Variants in PYROXD2 observed in about 807,000 individuals in gnomAD.
PYROXD2 encodes the protein pyridine nucleotide-disulfide oxidoreductase domain-containing protein 2.
In PYROXD2, 69 loss-of-function variants were observed where a neutral mutation model predicts 71.1. The ratio of observed to expected loss-of-function variants is 0.97; its 90% confidence interval spans 0.80 to 1.19. The LOEUF is 1.19. Ranked by LOEUF, PYROXD2 falls within the 50% of genes most tolerant of loss-of-function variation. The pLI is 0.00. For synonymous variants in PYROXD2, 287 were observed against 302.7 expected, an observed-to-expected ratio of 0.95 and a Z score of 0.54; for missense variants, 745 against 748.9, an observed-to-expected ratio of 0.99 and a Z score of 0.06.
intron 13 of PYROXD2, chr10:98,388,129 G>C (rs1018925681): frequency 1.8e-6 from 1 of 564,980 alleles, no homozygotes; most frequent in African/African-American, 1.9e-5. Context: ...TCCCTTGCTA[G>C]ACTGTGAGCA....
intron 4 of PYROXD2, 60 bp downstream of exon 4, chr10:98,407,522 G>C: frequency 6.3e-7 from 1 of 1,597,918 alleles, no homozygotes; most frequent in Non-Finnish European, 8.5e-7. Context: ...CCCCCACACA[G>C]GTTGGGAAGA....
intron 5 of PYROXD2, among the ~76,000 whole-genome samples, chr10:98,398,042 C>T (rs1449956396): frequency 6.6e-6 from 1 of 151,914 alleles, no homozygotes; most frequent in East Asian, 1.9e-4. Flanking sequence ...GCCACCACGC[C>T]CGGCTAATTT....
At position 98,410,739 on chromosome 10, in the gene PYROXD2, C is replaced by T. The variant is rs1237896939; in HGVS notation, c.147+200G>A. The T allele has an allele frequency of 1.4e-5, 10 of 704,030 alleles. No individual in the cohort carries two copies. The East Asian group carries it at 2.6e-4, about 18-fold the overall frequency. 43.6% of individuals were successfully genotyped at this position (704,030 alleles called of 1,614,324 possible). Reference sequence around the variant, plus strand: ...ATTAGGGGAAGGGGAGGAAAGGAGCCTGTGATGTCCACAGCTGGCTGCAGA... The same window carrying T: ...ATTAGGGGAAGGGGAGGAAAGGAGCTTGTGATGTCCACAGCTGGCTGCAGA... On this transcript the variant is annotated intron_variant, in intron 2 of 15. Transcript: ENST00000370575.
chr10:98,414,800 A>C, intron 1 of PYROXD2: 1 of 644,956 alleles, frequency 1.6e-6, no homozygotes, highest in South Asian at 2.6e-5. Flanking sequence ...CCCAGGCCAC[A>C]CAGCAGAGCC....
chr10:98,394,481 CT>C (rs1843076481), intron 8 of PYROXD2, among the ~76,000 whole-genome samples: 3 of 151,696 alleles, frequency 2.0e-5, no homozygotes, highest in African/African-American at 2.4e-5. Context: ...TAGCTTCTAG[CT>C]TCTAGCTGTA....
intron 14 of PYROXD2, among the ~76,000 whole-genome samples, chr10:98,385,541 G>A (rs1029813550): frequency 6.6e-6 from 1 of 152,236 alleles, no homozygotes; most frequent in African/African-American, 2.4e-5. Context: ...TGGCTTGGGT[G>A]AGACCAGCCC....
In PYROXD2 at chr10:98,407,029, C is replaced by T. The variant is rs527550080; in HGVS notation, c.315+553G>A. Among the ~76,000 whole-genome samples, 11 of 122,708 alleles carry T rather than the reference C, an allele frequency of 9.0e-5. No individual in the cohort carries two copies. In the South Asian group the frequency reaches 1.5e-3, roughly 17 times the overall value. 80.5% of individuals were successfully genotyped at this position (122,708 alleles called of 152,430 possible). A position where few individuals can be genotyped will look rare whatever the true frequency, so the allele number is the denominator to read the frequency against. ...AATCAGCCTCAAGAATGTGGTGACG[C>T]GGTTTATAAGACAGTGGGGGTGAAG... On this transcript the variant is annotated intron_variant, in intron 4 of 15. Transcript: ENST00000370575.
intron 14 of PYROXD2, 46 bp from the exon 15 acceptor site, chr10:98,385,113 T>C: frequency 6.2e-7 from 1 of 1,606,564 alleles, no homozygotes; most frequent in African/African-American, 1.3e-5. Context: ...AGTTACAGCC[T>C]TTCCTGCTCT....
At chr10:98,396,516 A>G (rs1399466064) in intron 6 of PYROXD2, among the ~76,000 whole-genome samples, 2 of 152,172 alleles carry the variant, frequency 1.3e-5, no homozygotes, top group African/African-American at 4.8e-5. Context: ...GTATACCCTC[A>G]AGGAGGGTAG....
intron 1 of PYROXD2, 112 bp downstream of exon 1, chr10:98,414,897 T>C (rs1001584758): frequency 1.3e-5 from 19 of 1,460,510 alleles, no homozygotes; most frequent in Admixed American, 8.6e-5. Flanking sequence ...GGCTGGGTTA[T>C]GCCAGAGGAG....
At chr10:98,407,696 A>C (rs1030100565) in intron 3 of PYROXD2, 41 bp from the exon 4 acceptor site, 1 of 1,585,094 alleles carries the variant, frequency 6.3e-7, no homozygotes, top group Non-Finnish European at 8.6e-7. Flanking sequence ...AGGGGTCACC[A>C]GGGATGAGGA....
At chr10:98,407,484 G>T in intron 4 of PYROXD2, 98 bp downstream of exon 4, 2 of 1,458,456 alleles carry the variant, frequency 1.4e-6, no homozygotes, top group Non-Finnish European at 9.4e-7. Flanking sequence ...CTCAGGGGCG[G>T]GCATCACCTC....
chr10:98,384,386 G>T (rs1326134303), intron 15 of PYROXD2, among the ~76,000 whole-genome samples: 1 of 152,200 alleles, frequency 6.6e-6, no homozygotes, highest in East Asian at 1.9e-4. Flanking sequence ...GGGAAGCTGA[G>T]TGGAGAGGAT....
At chr10:98,404,668 G>C (rs960977137) in intron 4 of PYROXD2, among the ~76,000 whole-genome samples, 2 of 152,156 alleles carry the variant, frequency 1.3e-5, no homozygotes, top group Admixed American at 1.3e-4. Context: ...GAAAGGGTGT[G>C]TGTGTGTGAA....
At chr10:98,397,727 A>T (rs934376176) in intron 5 of PYROXD2, among the ~76,000 whole-genome samples, 26 of 152,160 alleles carry the variant, frequency 1.7e-4, no homozygotes, top group African/African-American at 6.0e-4. Context: ...CCTGGGCAAT[A>T]GGAGAATCAC....
chr10:98,407,494 C>A, intron 4 of PYROXD2, 88 bp downstream of exon 4: 2 of 1,531,446 alleles, frequency 1.3e-6, no homozygotes, highest in Non-Finnish European at 8.9e-7. Context: ...GGCATCACCT[C>A]GGGCACAGAA....
At chr10:98,406,883 C>A (rs1843614469) in intron 4 of PYROXD2, among the ~76,000 whole-genome samples, 1 of 121,902 alleles carries the variant, frequency 8.2e-6, no homozygotes, top group South Asian at 3.0e-4. Flanking sequence ...CAGAGCCAGA[C>A]TCCGTCCCAA....
chr10:98,387,763 C>T (rs1312174820), intron 13 of PYROXD2: 1 of 170,694 alleles, frequency 5.9e-6, no homozygotes, highest in Non-Finnish European at 1.3e-5. Context: ...TCCTGAGCAG[C>T]TAAGATTACA....
chr10:98,398,310 C>A (rs919822496), intron 5 of PYROXD2, among the ~76,000 whole-genome samples: 1 of 152,122 alleles, frequency 6.6e-6, no homozygotes, highest in Admixed American at 6.6e-5. Flanking sequence ...TCCTCTCACC[C>A]CACAAGCTCC....
Sources: allele counts gnomAD v4.1 joint callset (sites outside exome capture counted in the v4.1 genomes callset), GRCh38; gene constraint gnomAD v4.1.1; transcripts MANE v1.5; gene names NCBI Gene and HGNC (gene_info 2026-07-23, HGNC 2026-07-21).